The following SNX18 variants were observed in gnomAD, a reference collection of about 807,000 sequenced individuals.
SNX18 encodes the protein sorting nexin 18, also known as sorting nexin-18.
In SNX18, 35 loss-of-function variants were observed where a neutral mutation model predicts 48.7. The observed-to-expected ratio is 0.72, with a 90% CI of 0.55 to 0.95. The LOEUF (loss-of-function observed/expected upper bound fraction) is 0.95. SNX18 is among the 40% of genes least tolerant of loss of function. The pLI is 0.00. For synonymous variants in SNX18, 492 were observed against 384.7 expected, an observed-to-expected ratio of 1.28 and a Z score of -3.26; for missense variants, 824 against 871.0, an observed-to-expected ratio of 0.95 and a Z score of 0.68.
chr5:54,572,651 T>C, the SNX18 span, among the ~76,000 whole-genome samples: 8 of 151,274 alleles, frequency 5.3e-5, no homozygotes, highest in Admixed American at 4.6e-4. Flanking sequence ...TATTTCATAA[T>C]ATGTTGATGC....
chr5:54,553,201 G>A, the SNX18 span, among the ~76,000 whole-genome samples: 1 of 152,188 alleles, frequency 6.6e-6, no homozygotes, highest in Non-Finnish European at 1.5e-5. Flanking sequence ...GGCTCCCAGG[G>A]GCGTTGAGCA....
the SNX18 span, among the ~76,000 whole-genome samples, chr5:54,640,584 T>C: frequency 6.6e-6 from 1 of 152,282 alleles, no homozygotes; most frequent in South Asian, 2.1e-4. Flanking sequence ...CAGCAAGAGA[T>C]CATCTGGATA....
the SNX18 span, among the ~76,000 whole-genome samples, chr5:54,634,660 C>G: frequency 2.8e-4 from 42 of 152,018 alleles, no homozygotes; most frequent in East Asian, 7.7e-3. Flanking sequence ...TTAGACCCCA[C>G]TAAAATCATT....
chr5:54,645,237 T>C, the SNX18 span: 1 of 152,196 alleles, frequency 6.6e-6, no homozygotes, highest in Non-Finnish European at 1.5e-5. Flanking sequence ...AAAGAAAGCA[T>C]TCATGTCAAT....
intron 1 of SNX18, among the ~76,000 whole-genome samples, chr5:54,522,379 C>T (rs1762048608): frequency 6.6e-6 from 1 of 152,166 alleles, no homozygotes; most frequent in South Asian, 2.1e-4. Flanking sequence ...AATGATAGAA[C>T]TTTTCCATCA....
the SNX18 span, among the ~76,000 whole-genome samples, chr5:54,641,478 G>A: frequency 6.6e-6 from 1 of 152,068 alleles, no homozygotes; most frequent in Non-Finnish European, 1.5e-5. Flanking sequence ...GGATGGGGCT[G>A]GAGCCATTCT....
the SNX18 span, among the ~76,000 whole-genome samples, chr5:54,603,273 C>G: frequency 6.6e-6 from 1 of 151,370 alleles, no homozygotes; most frequent in Non-Finnish European, 1.5e-5. Context: ...TAGGCTATCA[C>G]TCTGTCACCC....
chr5:54,604,403 A>G, the SNX18 span, among the ~76,000 whole-genome samples: 2 of 152,236 alleles, frequency 1.3e-5, no homozygotes. Context: ...ATGAAATGTG[A>G]TAAGTACATA....
chr5:54,532,254 G>T (rs1580102119), intron 1 of SNX18, among the ~76,000 whole-genome samples: 1 of 150,096 alleles, frequency 6.7e-6, no homozygotes. Flanking sequence ...AGATATGCTT[G>T]TTGTATGTCA....
the SNX18 span, among the ~76,000 whole-genome samples, chr5:54,620,068 A>G: frequency 6.6e-6 from 1 of 152,100 alleles, no homozygotes; most frequent in African/African-American, 2.4e-5. Flanking sequence ...GGGTCCTGGG[A>G]TTCTACTTTC....
chr5:54,543,672 T>C lies in SNX18; in HGVS notation c.*240T>C, dbSNP rs1762514148. ...ACTATGTATGCCTACACTACCATTG[T>C]AACTTTTGGAATAATGATTATACTA... On this transcript the variant is annotated 3_prime_UTR_variant, in exon 2 of 2. Coordinates refer to ENST00000381410, the MANE Select transcript of SNX18 (RefSeq NM_001102575.2). 3 of 461,384 alleles carry C rather than the reference T, an allele frequency of 6.5e-6. No individual in the cohort carries two copies. Among genetic ancestry groups the C allele is most frequent in the Non-Finnish European group, 7.7e-6 (2 of 261,292 alleles). The allele number at this position is 461,384 out of a possible 1,614,324, so 28.6% of individuals were successfully genotyped here.
the SNX18 span, among the ~76,000 whole-genome samples, chr5:54,621,582 C>T: frequency 6.6e-6 from 1 of 152,188 alleles, no homozygotes; most frequent in African/African-American, 2.4e-5. Context: ...GTGACCACTG[C>T]AGCCAGTGGT....
chr5:54,605,329 T>C, the SNX18 span, among the ~76,000 whole-genome samples: 1 of 152,108 alleles, frequency 6.6e-6, no homozygotes, highest in Admixed American at 6.5e-5. Flanking sequence ...TCCAGAGTAG[T>C]ACCAGCAGAG....
chr5:54,623,484 G>A, the SNX18 span, among the ~76,000 whole-genome samples: 1 of 151,992 alleles, frequency 6.6e-6, no homozygotes, highest in Non-Finnish European at 1.5e-5. Flanking sequence ...CTGAAACAGG[G>A]CAAGGTGGAT....
chr5:54,525,686 T>C (rs1028390735), intron 1 of SNX18, among the ~76,000 whole-genome samples: 5 of 152,188 alleles, frequency 3.3e-5, no homozygotes, highest in Non-Finnish European at 7.3e-5. Context: ...CTGGTGCAGA[T>C]CACTTAATGT....
At chr5:54,598,521 G>T in the SNX18 span, among the ~76,000 whole-genome samples, 1 of 152,054 alleles carries the variant, frequency 6.6e-6, no homozygotes, top group Non-Finnish European at 1.5e-5. Context: ...GCACATCAAG[G>T]AGCTTATCCA....
chr5:54,542,046 C>G (rs1762481182), intron 1 of SNX18, among the ~76,000 whole-genome samples: 1 of 152,198 alleles, frequency 6.6e-6, no homozygotes, highest in Non-Finnish European at 1.5e-5. Flanking sequence ...AGCTGTTTGT[C>G]TCTGTGTTCT....
At chr5:54,534,421 A>G (rs1395130701) in intron 1 of SNX18, among the ~76,000 whole-genome samples, 1 of 152,028 alleles carries the variant, frequency 6.6e-6, no homozygotes, top group Non-Finnish European at 1.5e-5. Flanking sequence ...TCTTGGAGCC[A>G]TGGCAAGCCC....
the SNX18 span, among the ~76,000 whole-genome samples, chr5:54,572,797 T>A: frequency 2.0e-5 from 2 of 99,174 alleles, no homozygotes; most frequent in African/African-American, 3.8e-5. Context: ...TTTTTTTTTT[T>A]TTTTTTTTTT....
Sources: allele counts gnomAD v4.1 joint callset (sites outside exome capture counted in the v4.1 genomes callset), GRCh38; gene constraint gnomAD v4.1.1; transcripts MANE v1.5; gene names NCBI Gene and HGNC (gene_info 2026-07-23, HGNC 2026-07-21).